LYPD1: variants seen among roughly 807,000 people sequenced by gnomAD.
LYPD1 encodes LY6/PLAUR domain containing 1.
Under a neutral mutation model 14.2 loss-of-function variants are expected in LYPD1, and 14 were observed. The ratio of observed to expected loss-of-function variants is 0.99; its 90% confidence interval spans 0.65 to 1.54. The LOEUF (loss-of-function observed/expected upper bound fraction) is 1.54. Among genes scored for constraint, LYPD1 ranks in the 40% most tolerant of loss-of-function variants. The pLI is 0.00. For missense variants in LYPD1, 165 were observed against 175.7 expected (o/e 0.94, Z 0.34); for synonymous variants, 85 against 70.6 (o/e 1.20, Z -1.02).
rs1478088272 is a variant in LYPD1, at chr2:132,656,037, G to T, written c.191-9757C>A. On this transcript the variant is annotated intron_variant, in intron 2 of 2. Coordinates refer to ENST00000397463, the MANE Select transcript of LYPD1 (RefSeq NM_144586.7). ...GCTACAATTCTATTACAAACGACGT[G>T]CTACAAGTATGCTTTTAAAATAAAT... 4.6e-5 allele frequency among the ~76,000 whole-genome samples: 7 copies of T among 152,170 alleles called. No homozygotes were observed. The South Asian group carries it at 1.4e-3, about 31-fold the overall frequency.
In LYPD1 at chr2:132,656,066, T is replaced by A. The variant is rs552826421; in HGVS notation, c.191-9786A>T. ...CAAGTATGCTTTTAAAATAAATTAT[T>A]TTTCCAGTTTTTTCACTTTAACCTC... On this transcript the variant is annotated intron_variant, in intron 2 of 2. Transcript: ENST00000397463. Among the ~76,000 whole-genome samples, 99 of 152,294 alleles carry A rather than the reference T, an allele frequency of 6.5e-4. 1 individual carries two copies. The highest frequency in any genetic ancestry group is 6.8e-3 in the Middle Eastern group (2 of 294).
intron 2 of LYPD1, among the ~76,000 whole-genome samples, chr2:132,654,275 C>A (rs1682466817): frequency 6.6e-6 from 1 of 151,892 alleles, no homozygotes; most frequent in African/African-American, 2.4e-5. Flanking sequence ...GTGGCGCTTG[C>A]CTGTGGTCCC....
chr2:132,658,715 C>G (rs1315867804), intron 2 of LYPD1, among the ~76,000 whole-genome samples: 1 of 151,598 alleles, frequency 6.6e-6, no homozygotes, highest in African/African-American at 2.4e-5. Context: ...AGAAGTATAT[C>G]CCTCAGCTGA....
At chr2:132,655,125 T>G (rs2104908013) in intron 2 of LYPD1, among the ~76,000 whole-genome samples, 1 of 152,288 alleles carries the variant, frequency 6.6e-6, no homozygotes, top group East Asian at 1.9e-4. Context: ...CACACGCTGC[T>G]TATCCCTTTC....
At chr2:132,649,620 T>C (rs1326748679) in intron 2 of LYPD1, among the ~76,000 whole-genome samples, 1 of 152,100 alleles carries the variant, frequency 6.6e-6, no homozygotes, top group African/African-American at 2.4e-5. Flanking sequence ...CACGAATGGC[T>C]GCCTGCACTG....
chr2:132,669,803 G>T lies in LYPD1; in HGVS notation c.52+78C>A, dbSNP rs768638617. 1.9e-6 allele frequency: 3 copies of T among 1,577,894 alleles called. No individual in the cohort carries two copies. Among genetic ancestry groups the T allele is most frequent in the Non-Finnish European group, 2.6e-6 (3 of 1,164,220 alleles). On this transcript the variant is annotated intron_variant, in intron 1 of 2. Coordinates refer to ENST00000397463, the MANE Select transcript of LYPD1 (RefSeq NM_144586.7). The surrounding 1 kb of genome is among the most constrained non-coding windows in gnomAD (Gnocchi z 4.3). ...GCGCAGGGCTGGCCCCGAGGTGGGC[G>T]CCTTGGGGGCAAAAGGGCTGGCGGG...
In LYPD1 at chr2:132,669,047, C is replaced by T. The variant is rs1683462926; in HGVS notation, c.53-510G>A. Among the ~76,000 whole-genome samples the T allele has an allele frequency of 6.6e-6, 1 of 152,228 alleles. No individual in the cohort carries two copies. Among genetic ancestry groups the T allele is most frequent in the Non-Finnish European group, 1.5e-5 (1 of 68,048 alleles). ...CAGGGCTCTGAGGATCCCTGAGCGA[C>T]CACCTGGGAACAACTTGGGTGGAGG... On this transcript the variant is annotated intron_variant, in intron 1 of 2. Transcript: ENST00000397463. The surrounding 1 kb of genome is among the most constrained non-coding windows in gnomAD (Gnocchi z 4.3).
intron 2 of LYPD1, among the ~76,000 whole-genome samples, chr2:132,656,142 G>C (rs1682583625): frequency 6.6e-6 from 1 of 152,152 alleles, no homozygotes; most frequent in African/African-American, 2.4e-5. Context: ...TCTTTTCTGT[G>C]GACCATTATG....
intron 2 of LYPD1, among the ~76,000 whole-genome samples, chr2:132,665,621 C>A (rs555088754): frequency 1.3e-3 from 192 of 152,310 alleles, no homozygotes; most frequent in African/African-American, 4.5e-3. Context: ...AGGCTTCAAG[C>A]GCCTCTTAGT....
chr2:132,661,291 A>G (rs1682924324), intron 2 of LYPD1, among the ~76,000 whole-genome samples: 1 of 152,240 alleles, frequency 6.6e-6, no homozygotes, highest in Admixed American at 6.5e-5. Context: ...AAGAATGGAC[A>G]GTCCAGTACA....
chr2:132,670,398 C>CG (rs1553466003), upstream of LYPD1, among the ~76,000 whole-genome samples: 1 of 152,032 alleles, frequency 6.6e-6, no homozygotes, highest in Non-Finnish European at 1.5e-5. This position sits in a 1 kb window ranked among gnomAD's most constrained non-coding sequence, Gnocchi z 4.5. Flanking sequence ...AAAGGGGCGC[C>CG]GGGGGGCGGG....
intron 2 of LYPD1, among the ~76,000 whole-genome samples, chr2:132,650,261 G>T (rs1415584528): frequency 6.6e-6 from 1 of 152,116 alleles, no homozygotes; most frequent in Non-Finnish European, 1.5e-5. Context: ...ACTACACTGA[G>T]ATGCCATTAT....
Position 132,669,066 on chromosome 2 carries a change from G to T in LYPD1, c.53-529C>A, listed in dbSNP as rs1347061712. Among the ~76,000 whole-genome samples, 1 of 152,208 alleles carries T rather than the reference G, an allele frequency of 6.6e-6. No individual in the cohort carries two copies. The highest frequency in any genetic ancestry group is 1.5e-5 in the Non-Finnish European group (1 of 68,036). On this transcript the variant is annotated intron_variant, in intron 1 of 2. Transcript: ENST00000397463. This position sits in a 1 kb window ranked among gnomAD's most constrained non-coding sequence, Gnocchi z 4.3. The stretch of plus-strand genomic sequence containing the variant: ...GAGCGACCACCTGGGAACAACTTGG[G>T]TGGAGGTGCCAGACGCCAAGCGCTG...
At chr2:132,656,613 A>G (rs145775215) in intron 2 of LYPD1, among the ~76,000 whole-genome samples, 1 of 152,340 alleles carries the variant, frequency 6.6e-6, no homozygotes, top group Admixed American at 6.5e-5. Flanking sequence ...AGGCTTCTCT[A>G]TACATTTGCC....
chr2:132,648,990 C>A (rs567435354), intron 2 of LYPD1, among the ~76,000 whole-genome samples: 1 of 152,078 alleles, frequency 6.6e-6, no homozygotes, highest in Admixed American at 6.5e-5. Context: ...GAAACTGGCA[C>A]GAGAGATGCT....
chr2:132,649,201 G>C (rs1159229991), intron 2 of LYPD1, among the ~76,000 whole-genome samples: 1 of 152,160 alleles, frequency 6.6e-6, no homozygotes, highest in African/African-American at 2.4e-5. Flanking sequence ...TGTGCTAATA[G>C]AAATGGGGAA....
chr2:132,665,460 C>T (rs570291417), intron 2 of LYPD1, among the ~76,000 whole-genome samples: 7 of 152,322 alleles, frequency 4.6e-5, no homozygotes, highest in African/African-American at 1.4e-4. Context: ...CATGGCCTGT[C>T]TACCTGGACT....
intron 1 of LYPD1, 137 bp from the exon 2 acceptor site, chr2:132,668,674 G>T: frequency 2.4e-6 from 3 of 1,242,052 alleles, no homozygotes; most frequent in East Asian, 2.9e-5. Flanking sequence ...TCCGGGTAGG[G>T]CTGGATGTGG....
chr2:132,664,940 C>G (rs1683184372), intron 2 of LYPD1, among the ~76,000 whole-genome samples: 1 of 152,186 alleles, frequency 6.6e-6, no homozygotes, highest in African/African-American at 2.4e-5. Context: ...TAAATAGACA[C>G]CAACTCATTA....
Sources: gnomAD v4.1 joint callset for allele counts (sites outside exome capture counted in the v4.1 genomes callset) on GRCh38, gnomAD v4.1.1 for gene constraint, Gnocchi (gnomAD v3.1) non-coding constraint, MANE v1.5 for transcripts, NCBI Gene and HGNC (gene_info 2026-07-23, HGNC 2026-07-21) for gene names.